HSD17B12: variants seen among roughly 807,000 people sequenced by gnomAD.
HSD17B12 encodes the protein hydroxysteroid 17-beta dehydrogenase 12.
A neutral mutation model predicts 39.3 loss-of-function variants in HSD17B12; 32 were observed. The ratio of observed to expected loss-of-function variants is 0.81; its 90% CI spans 0.61 to 1.09. The LOEUF is 1.09. HSD17B12 is among the 50% of genes least tolerant of loss of function. The pLI is 0.00. For synonymous variants in HSD17B12, 150 were observed against 146.7 expected, an observed-to-expected ratio of 1.02 and a Z score of -0.16; for missense variants, 342 against 382.9, an observed-to-expected ratio of 0.89 and a Z score of 0.89.
chr11:43,818,273 T>C (rs1057331164), intron 6 of HSD17B12, among the ~76,000 whole-genome samples: 2 of 152,148 alleles, frequency 1.3e-5, no homozygotes, highest in Non-Finnish European at 2.9e-5. Context: ...ATGGGTGTGA[T>C]TTTTAATAGT....
the HSD17B12 span, among the ~76,000 whole-genome samples, chr11:43,611,210 A>G: frequency 6.6e-6 from 1 of 152,194 alleles, no homozygotes; most frequent in Admixed American, 6.6e-5. Flanking sequence ...TATCATTTTT[A>G]AAAAGGTATA....
intron 1 of HSD17B12, among the ~76,000 whole-genome samples, chr11:43,744,235 A>C (rs1950393966): frequency 6.6e-6 from 1 of 152,180 alleles, no homozygotes; most frequent in East Asian, 1.9e-4. Context: ...AGAACTGAAG[A>C]TCATGAATTT....
intron 1 of HSD17B12, among the ~76,000 whole-genome samples, chr11:43,698,663 T>C (rs567621718): frequency 6.6e-6 from 1 of 152,198 alleles, no homozygotes; most frequent in South Asian, 2.1e-4. Flanking sequence ...TCAAATGTGT[T>C]CAAAAATCCC....
the HSD17B12 span, among the ~76,000 whole-genome samples, chr11:43,668,213 G>A: frequency 6.6e-6 from 1 of 152,304 alleles, no homozygotes; most frequent in South Asian, 2.1e-4. Flanking sequence ...ATTATTTTCT[G>A]GAGATACTAG....
At chr11:43,734,464 G>T in intron 1 of HSD17B12, 1 of 687,668 alleles carries the variant, frequency 1.5e-6, no homozygotes. Flanking sequence ...TGATCGAGCT[G>T]TGTAAGCTGG....
the HSD17B12 span, among the ~76,000 whole-genome samples, chr11:43,635,144 T>C: frequency 2.0e-5 from 3 of 152,250 alleles, no homozygotes; most frequent in Non-Finnish European, 4.4e-5. Flanking sequence ...GTAGATACAT[T>C]GATACTTGTT....
At chr11:43,851,522 GC>G (rs1951530758) in intron 9 of HSD17B12, among the ~76,000 whole-genome samples, 1 of 152,152 alleles carries the variant, frequency 6.6e-6, no homozygotes, top group African/African-American at 2.4e-5. Context: ...CTATAAGTAT[GC>G]CTGTTTAGAT....
the HSD17B12 span, among the ~76,000 whole-genome samples, chr11:43,654,475 C>G: frequency 6.6e-6 from 1 of 152,074 alleles, no homozygotes. Context: ...TTGCCCATGC[C>G]TATGTCCTGA....
intron 4 of HSD17B12, among the ~76,000 whole-genome samples, chr11:43,809,706 G>C (rs1040398870): frequency 1.3e-5 from 2 of 152,102 alleles, no homozygotes; most frequent in Non-Finnish European, 2.9e-5. Context: ...TGTAATCCCA[G>C]CTACTCAGTA....
At chr11:43,829,090 GAT>G (rs974445147) in intron 6 of HSD17B12, among the ~76,000 whole-genome samples, 13 of 152,282 alleles carry the variant, frequency 8.5e-5, no homozygotes, top group African/African-American at 2.9e-4. Context: ...ATTAAAAAAA[GAT>G]GTTACATTTT....
At chr11:43,561,223 G>C in the HSD17B12 span, among the ~76,000 whole-genome samples, 1 of 152,194 alleles carries the variant, frequency 6.6e-6, no homozygotes, top group Non-Finnish European at 1.5e-5. Flanking sequence ...TTTGATTCAT[G>C]AATAATTGTG....
intron 6 of HSD17B12, among the ~76,000 whole-genome samples, chr11:43,829,220 T>C (rs1951282839): frequency 6.6e-6 from 1 of 152,228 alleles, no homozygotes; most frequent in Non-Finnish European, 1.5e-5. Context: ...CCTCTAGTCG[T>C]TGAGCATTCA....
rs1950749252 is a variant in HSD17B12 at position 43,780,055 on chromosome 11, T to C, written c.284-18265T>C. On this transcript the variant is annotated intron_variant, in intron 3 of 10. Transcript: ENST00000278353. The stretch of plus-strand genomic sequence containing the variant: ...TTCATGGGAAGTATTGGTAGCAGGA[T>C]GCAGATGATCTGCTCCCTCTCATCC... 5.9e-5 allele frequency among the ~76,000 whole-genome samples: 9 copies of C among 152,348 alleles called. 1 individual carries two copies. In the South Asian group the frequency reaches 1.4e-3, roughly 25 times the overall value.
At chr11:43,612,767 G>A in the HSD17B12 span, among the ~76,000 whole-genome samples, 16 of 152,316 alleles carry the variant, frequency 1.1e-4, no homozygotes, top group African/African-American at 3.6e-4. Context: ...AATGAAAATG[G>A]CTAAAGTGAA....
chr11:43,799,733 C>T (rs927376400), intron 4 of HSD17B12, among the ~76,000 whole-genome samples: 4 of 152,134 alleles, frequency 2.6e-5, no homozygotes, highest in South Asian at 4.1e-4. Context: ...TTTCTTTAGT[C>T]GTAAAGACCC....
the HSD17B12 span, among the ~76,000 whole-genome samples, chr11:43,562,079 A>G: frequency 6.6e-6 from 1 of 152,358 alleles, no homozygotes; most frequent in East Asian, 1.9e-4. Context: ...CAATGGGAGT[A>G]TTCACATTAT....
intron 1 of HSD17B12, among the ~76,000 whole-genome samples, chr11:43,715,372 A>G (rs996667664): frequency 1.3e-5 from 2 of 152,096 alleles, no homozygotes; most frequent in African/African-American, 2.4e-5. Context: ...TTCTGCATCT[A>G]TTGAGATAAT....
intron 3 of HSD17B12, among the ~76,000 whole-genome samples, chr11:43,776,658 T>C (rs2134999545): frequency 6.6e-6 from 1 of 152,334 alleles, no homozygotes; most frequent in African/African-American, 2.4e-5. Context: ...GCTTTTGGTG[T>C]TTTAGACATG....
intron 1 of HSD17B12, among the ~76,000 whole-genome samples, chr11:43,730,045 TG>T (rs558518885): frequency 5.9e-5 from 9 of 152,030 alleles, no homozygotes; most frequent in Non-Finnish European, 1.3e-4. Flanking sequence ...GATGTGTGTG[TG>T]TTTTTTTTTT....
Sources: allele counts gnomAD v4.1 joint callset (sites outside exome capture counted in the v4.1 genomes callset), GRCh38; gene constraint gnomAD v4.1.1; transcripts MANE v1.5; gene names NCBI Gene and HGNC (gene_info 2026-07-23, HGNC 2026-07-21).